MYOM3: variants seen among roughly 807,000 people sequenced by gnomAD.
The protein encoded by MYOM3 is myomesin 3.
Under a neutral mutation model 191.7 loss-of-function variants are expected in MYOM3, and 155 were observed. That is an observed-to-expected ratio of 0.81 (90% CI 0.71 to 0.92). MYOM3 has a LOEUF of 0.92. MYOM3 is among the 40% of genes least tolerant of loss of function. The probability of loss-of-function intolerance (pLI) is 0.00; values close to 1 mark genes in which losing one functional copy is unlikely to be tolerated. For synonymous variants in MYOM3, 757 were observed against 762.9 expected, an observed-to-expected ratio of 0.99 and a Z score of 0.13; for missense variants, 1,889 against 1,890.6, an observed-to-expected ratio of 1.00 and a Z score of 0.02.
chr1:24,093,761 C>T (rs905732883), intron 9 of MYOM3, among the ~76,000 whole-genome samples: 3 of 152,262 alleles, frequency 2.0e-5, no homozygotes, highest in African/African-American at 4.8e-5. Context: ...TTTGGGAAGA[C>T]GTCTCAGCCT....
chr1:24,071,877 C>G, intron 24 of MYOM3, 92 bp downstream of exon 24: 5 of 1,372,236 alleles, frequency 3.6e-6, no homozygotes, highest in Non-Finnish European at 5.2e-6. Flanking sequence ...GGGGTTGTTT[C>G]CTGGTCCTTG....
chr1:24,066,261 C>T, intron 28 of MYOM3: 1 of 716,394 alleles, frequency 1.4e-6, no homozygotes, highest in Non-Finnish European at 2.6e-6. Context: ...TGAAGCATCC[C>T]ATAGTCACCC....
chr1:24,092,435 G>T, intron 10 of MYOM3, 120 bp from the exon 11 acceptor site: 2 of 851,006 alleles, frequency 2.4e-6, no homozygotes, highest in African/African-American at 1.8e-5. Context: ...TTTTGATCTT[G>T]AGGACTGGGG....
At chr1:24,073,888 G>A (rs201255605) in intron 23 of MYOM3, among the ~76,000 whole-genome samples, 11 of 149,738 alleles carry the variant, frequency 7.3e-5, no homozygotes, top group African/African-American at 2.7e-4. Context: ...AAAAAAAGGT[G>A]GGAAAATAAA....
chr1:24,093,798 A>T (rs1343386809), intron 9 of MYOM3, among the ~76,000 whole-genome samples: 4 of 152,128 alleles, frequency 2.6e-5, no homozygotes, highest in Admixed American at 6.5e-5. Context: ...AGGGATCCTG[A>T]TGGCTCCCAT....
intron 16 of MYOM3, 180 bp downstream of exon 16, chr1:24,084,288 T>C (rs1643709078): frequency 1.6e-6 from 1 of 635,050 alleles, no homozygotes; most frequent in Non-Finnish European, 2.7e-6. Context: ...ACATGCTTCC[T>C]TCCCCCTCGC....
rs1192052596 is a variant in MYOM3 at position 24,067,312 on chromosome 1, CTTTCT to C, written c.3356-229_3356-225del. On this transcript the variant is annotated intron_variant, in intron 27 of 36. Coordinates refer to ENST00000374434, the MANE Select transcript of MYOM3 (RefSeq NM_152372.4). ...TCTTTCTTTCTTTCTTTCCTTCTTT[CTTTCT>C]TTCTTTCCTTCTTTCTTTCTTTCTT... 5.0e-5 allele frequency among the ~76,000 whole-genome samples: 6 copies of C among 120,212 alleles called. No homozygotes were observed. In the South Asian group the frequency reaches 9.0e-4, roughly 18 times the overall value. 78.9% of individuals were successfully genotyped at this position (120,212 alleles called of 152,430 possible). A position where few individuals can be genotyped will look rare whatever the true frequency, so the allele number is the denominator to read the frequency against.
At position 24,108,175 on chromosome 1, in the gene MYOM3, G is replaced by C. The variant is rs1003609618; in HGVS notation, c.162-102C>G. On this transcript the variant is annotated intron_variant, in intron 2 of 36. Coordinates refer to ENST00000374434, the MANE Select transcript of MYOM3 (RefSeq NM_152372.4). ...CCACCTCAGCCTCAGGGCACCAGCA[G>C]GCAGGGCTGTGCCTCCCTCCTCATA... 4 of 1,141,308 alleles carry C rather than the reference G, an allele frequency of 3.5e-6. No individual in the cohort carries two copies. The African/African-American group carries it at 6.2e-5, about 18-fold the overall frequency. 70.7% of individuals were successfully genotyped at this position (1,141,308 alleles called of 1,614,324 possible).
intron 6 of MYOM3, among the ~76,000 whole-genome samples, chr1:24,098,731 G>A (rs1258228709): frequency 2.0e-5 from 3 of 152,212 alleles, no homozygotes; most frequent in African/African-American, 4.8e-5. Context: ...TTCCTTGACT[G>A]TGGAGTCCAT....
rs1343310881 is a variant in MYOM3, at chr1:24,062,048, G to C, written c.3832C>G (p.Leu1278Val). The change falls in exon 33 of 37, where the codon CTT becomes GTT. Residue 1278 changes from leucine (L) to valine (V), a missense_variant. Leu to Val is a conservative substitution (Grantham distance 32). Transcript: ENST00000374434. Reference sequence around the variant, plus strand: ...GAGTCTTTGGGGTCCAGGATGTGAAGCCAGATCTCATCCAGGGTGGTGCCC... The same window carrying C: ...GAGTCTTTGGGGTCCAGGATGTGAACCCAGATCTCATCCAGGGTGGTGCCC... The part of the protein sequence containing the change: ...RTGTTLDEIW[L>V]HILDPKDSDK... The C allele has an allele frequency of 6.2e-7, 1 of 1,614,144 alleles. No individual in the cohort carries two copies. Among genetic ancestry groups the C allele is most frequent in the Non-Finnish European group, 8.5e-7 (1 of 1,180,006 alleles).
intron 23 of MYOM3, among the ~76,000 whole-genome samples, chr1:24,072,918 T>A (rs1643549688): frequency 6.6e-6 from 1 of 152,188 alleles, no homozygotes; most frequent in African/African-American, 2.4e-5. Context: ...AGGTGCTCAG[T>A]CAATATGGAC....
chr1:24,073,842 G>A (rs1435643383), intron 23 of MYOM3, among the ~76,000 whole-genome samples: 5 of 138,408 alleles, frequency 3.6e-5, no homozygotes, highest in African/African-American at 1.4e-4. Context: ...CAGCCTGGGC[G>A]ACAGAGCGAG....
rs764788424 is a variant in MYOM3 at position 24,093,092 on chromosome 1, G to T, written c.945C>A (p.Ser315=). ...TGTAGAGGATCTTCCGACGTCTCGA[G>T]GACCTCAGTAGGCTCCCTGTGGAGG... is the stretch of plus-strand genomic sequence containing the variant. The part of the protein sequence containing the change: ...QWFRDGSLLR[S]SRRRKILYTD... The change falls in exon 10 of 37, where the codon TCC becomes TCA. Residue 315 remains serine (S), a synonymous_variant. Transcript: ENST00000374434. The T allele has an allele frequency of 1.2e-6, 2 of 1,610,032 alleles. No individual in the cohort carries two copies. The highest frequency in any genetic ancestry group is 1.7e-5 in the Admixed American group (1 of 59,908).
chr1:24,093,155 T>C, intron 9 of MYOM3, 47 bp from the exon 10 acceptor site: 1 of 1,435,854 alleles, frequency 7.0e-7, no homozygotes, highest in East Asian at 2.3e-5. Context: ...GGGGTCCTGG[T>C]CTCACCTGGG....
At chr1:24,081,886 G>C in intron 18 of MYOM3, 115 bp downstream of exon 18, 1 of 1,025,826 alleles carries the variant, frequency 9.7e-7, no homozygotes, top group African/African-American at 1.6e-5. Flanking sequence ...CGATGGCTGA[G>C]GCAGGGGAAC....
Position 24,063,134 on chromosome 1 carries a change from C to G in MYOM3, c.3762G>C (p.Trp1254Cys), listed in dbSNP as rs1643392282. Residue 1254 changes from tryptophan (W) to cysteine (C), a missense_variant, in exon 32 of 37, where the codon TGG (tryptophan) becomes TGC (cysteine). Transcript: ENST00000374434. This position sits in a 1 kb window ranked among gnomAD's most constrained non-coding sequence, Gnocchi z 4.5. ...GGGCAAGGCGGACTTACTTGTGGAA[C>G]CAGGTGGTTTTCATGTACTCCACGT... is the stretch of plus-strand genomic sequence containing the variant. Reference protein sequence around the residue: ...YYNVEYMKTTWFHKDKRLESG... With the variant: ...YYNVEYMKTTCFHKDKRLESG... 6.2e-7 allele frequency: 1 copy of G among 1,607,462 alleles called. No individual in the cohort carries two copies. The highest frequency in any genetic ancestry group is 1.3e-5 in the African/African-American group (1 of 74,896).
In MYOM3 at chr1:24,071,175, A is replaced by G. The variant is rs1348869474; in HGVS notation, c.3092T>C (p.Leu1031Ser). 12 of 1,614,058 alleles carry G rather than the reference A, an allele frequency of 7.4e-6. No homozygotes were observed. In the Admixed American group the frequency reaches 2.0e-4, roughly 27 times the overall value. ...EVRLWLEVEK[L>S]SPAAELHLIF... is the part of the protein sequence containing the mutation. ...TAGATGTAGCTCAGCGGCTGGAGATAACTTTTCTACTTCCAGCCAAAGCCG... is the reference window on the plus strand; with the variant it reads ...TAGATGTAGCTCAGCGGCTGGAGATGACTTTTCTACTTCCAGCCAAAGCCG... The change falls in exon 25 of 37, where the codon TTA becomes TCA. Residue 1031 changes from leucine (L) to serine (S), a missense_variant. Physicochemically the swap from Leu to Ser is moderately radical, Grantham distance 145 (BLOSUM62 -2). Coordinates refer to ENST00000374434, the MANE Select transcript of MYOM3 (RefSeq NM_152372.4).
Position 24,086,582 on chromosome 1 carries a change from G to A in MYOM3, c.1798+62C>T, listed in dbSNP as rs1449969600. 7.1e-6 allele frequency: 11 copies of A among 1,541,040 alleles called. No homozygotes were observed. In the Admixed American group the frequency reaches 1.8e-4, roughly 25 times the overall value. On this transcript the variant is annotated intron_variant, in intron 15 of 36. Transcript: ENST00000374434. ...AAGTGGGCAGGGCTTTGTCCCTGCA[G>A]CTTCAGGTCCTGAGCCTGGCCTGGC...
intron 15 of MYOM3, among the ~76,000 whole-genome samples, chr1:24,086,132 G>A (rs907865364): frequency 2.6e-5 from 4 of 152,192 alleles, no homozygotes; most frequent in Non-Finnish European, 5.9e-5. Context: ...GAGCAGTGAT[G>A]GGGCCCTTTA....
Sources: gnomAD v4.1 joint callset for allele counts (sites outside exome capture counted in the v4.1 genomes callset) on GRCh38, gnomAD v4.1.1 for gene constraint, Gnocchi (gnomAD v3.1) non-coding constraint, MANE v1.5 for transcripts, NCBI Gene and HGNC (gene_info 2026-07-23, HGNC 2026-07-21) for gene names.